The following DYRK1A variants were observed in gnomAD, a reference collection of about 807,000 sequenced individuals.
DYRK1A encodes dual specificity tyrosine-phosphorylation-regulated kinase 1A.
Under a neutral mutation model 79.7 loss-of-function variants are expected in DYRK1A, and 9 were observed. The observed-to-expected ratio is 0.11, with a 90% CI of 0.07 to 0.20. DYRK1A has a LOEUF of 0.20. DYRK1A is among the 10% of genes least tolerant of loss of function. The pLI, the probability that DYRK1A is intolerant of heterozygous loss-of-function variation, is 1.00. For synonymous variants in DYRK1A, 349 were observed against 329.7 expected, an observed-to-expected ratio of 1.06 and a Z score of -0.63; for missense variants, 622 against 956.0, an observed-to-expected ratio of 0.65 and a Z score of 4.61.
intron 2 of DYRK1A, among the ~76,000 whole-genome samples, chr21:37,470,929 T>TTG (rs750646366): frequency 6.6e-6 from 1 of 152,224 alleles, no homozygotes; most frequent in Non-Finnish European, 1.5e-5. Context: ...TTCACCACAG[T>TTG]TGTACTATCC....
intron 2 of DYRK1A, among the ~76,000 whole-genome samples, chr21:37,429,757 AAT>A (rs2050725951): frequency 6.6e-6 from 1 of 152,234 alleles, no homozygotes; most frequent in Non-Finnish European, 1.5e-5. Context: ...TTTAAGCATT[AAT>A]CAGTCAATTT....
chr21:37,431,819 C>G (rs2050784186), intron 2 of DYRK1A, among the ~76,000 whole-genome samples: 1 of 152,146 alleles, frequency 6.6e-6, no homozygotes, highest in Admixed American at 6.5e-5. Flanking sequence ...ATGACACTTA[C>G]TGTACTATTT....
At chr21:37,474,744 A>G (rs2052340951) in intron 3 of DYRK1A, among the ~76,000 whole-genome samples, 1 of 152,234 alleles carries the variant, frequency 6.6e-6, no homozygotes, top group South Asian at 2.1e-4. Context: ...TCATCCTATC[A>G]GATGTCTTTT....
chr21:37,484,751 C>T (rs1280044001), intron 5 of DYRK1A, among the ~76,000 whole-genome samples: 2 of 152,140 alleles, frequency 1.3e-5, no homozygotes, highest in East Asian at 3.8e-4. Context: ...GGTTTTTCTT[C>T]TCCCCTTCAC....
intron 2 of DYRK1A, among the ~76,000 whole-genome samples, chr21:37,438,546 A>G (rs1228215465): frequency 6.6e-6 from 1 of 152,016 alleles, no homozygotes; most frequent in African/African-American, 2.4e-5. Flanking sequence ...TTGCAAATGG[A>G]TATTCATTTA....
rs151303959 is a variant in DYRK1A at position 37,512,359 on chromosome 21, A to G, written c.2093A>G (p.Asn698Ser). ...AMDVNLTVYS[N>S]PRQETGIAGH... Reference sequence around the variant, plus strand: ...GACGTTAATTTGACCGTCTACTCCAATCCCCGCCAAGAGACTGGCATAGCT... The same window carrying G: ...GACGTTAATTTGACCGTCTACTCCAGTCCCCGCCAAGAGACTGGCATAGCT... The change falls in exon 12 of 12, where the codon AAT becomes AGT. Residue 698 changes from asparagine to serine, a missense_variant. Physicochemically the swap from Asn to Ser is conservative, Grantham distance 46. Around this residue, in one of 5 missense-constraint regions of DYRK1A, gnomAD observed 292 missense variants for 316.7 expected, o/e 0.92. Coordinates refer to ENST00000647188, the MANE Select transcript of DYRK1A (RefSeq NM_001347721.2). 30 of 1,614,226 alleles carry G rather than the reference A, an allele frequency of 1.9e-5. No individual in the cohort carries two copies. The highest frequency in any genetic ancestry group is 1.1e-4 in the African/African-American group (8 of 75,058).
chr21:37,452,756 C>T (rs1392196298), intron 2 of DYRK1A, among the ~76,000 whole-genome samples: 1 of 114,586 alleles, frequency 8.7e-6, no homozygotes, highest in Non-Finnish European at 1.7e-5. Context: ...CTCACACTCC[C>T]GTTTTTTTTT....
chr21:37,450,635 C>G (rs1470662637), intron 2 of DYRK1A, among the ~76,000 whole-genome samples: 1 of 152,210 alleles, frequency 6.6e-6, no homozygotes, highest in African/African-American at 2.4e-5. Flanking sequence ...CTCAGATACT[C>G]TAGCCTTGGG....
At chr21:37,368,968 TC>T (rs201617122) in intron 1 of DYRK1A, among the ~76,000 whole-genome samples, 3 of 151,432 alleles carry the variant, frequency 2.0e-5, no homozygotes, top group Admixed American at 1.3e-4. Flanking sequence ...TTCAGGCCTT[TC>T]CCCCCCCAAG....
intron 9 of DYRK1A, among the ~76,000 whole-genome samples, chr21:37,497,624 C>G (rs1281648143): frequency 1.3e-5 from 2 of 152,150 alleles, no homozygotes; most frequent in Non-Finnish European, 2.9e-5. Context: ...TTCTCCATTT[C>G]AGATTGATTT....
At chr21:37,454,298 G>A (rs1003540378) in intron 2 of DYRK1A, among the ~76,000 whole-genome samples, 1 of 151,792 alleles carries the variant, frequency 6.6e-6, no homozygotes, top group Admixed American at 6.6e-5. Flanking sequence ...TCTCTGTGTT[G>A]CTCAGGTTGG....
At chr21:37,486,672 A>G in intron 6 of DYRK1A, 58 bp downstream of exon 6, 4 of 1,362,168 alleles carry the variant, frequency 2.9e-6, no homozygotes, top group African/African-American at 1.5e-5. Context: ...CTTTGAGTTA[A>G]TGGTTCTTTT....
At chr21:37,449,571 C>T (rs1287761266) in intron 2 of DYRK1A, among the ~76,000 whole-genome samples, 2 of 152,262 alleles carry the variant, frequency 1.3e-5, no homozygotes, top group East Asian at 3.9e-4. Flanking sequence ...GCCATGCTAA[C>T]TGCAAGGGAG....
chr21:37,434,801 T>G (rs1360080461), intron 2 of DYRK1A, among the ~76,000 whole-genome samples: 1 of 152,232 alleles, frequency 6.6e-6, no homozygotes, highest in African/African-American at 2.4e-5. Flanking sequence ...GAGCCACGCT[T>G]TCTGTTATGC....
chr21:37,432,686 A>T (rs553781132), intron 2 of DYRK1A, among the ~76,000 whole-genome samples: 10 of 152,342 alleles, frequency 6.6e-5, no homozygotes, highest in Admixed American at 5.2e-4. Flanking sequence ...ATTACTGGGC[A>T]TAATAATGGC....
rs531087880 is a variant in DYRK1A, at chr21:37,473,660, G to GTA, written c.207+781_207+782insAT. Among the ~76,000 whole-genome samples the GTA allele has an allele frequency of 6.1e-4, 93 of 152,248 alleles. 2 individuals carry two copies. The South Asian group carries it at 0.019, about 31-fold the overall frequency. On this transcript the variant is annotated intron_variant, in intron 3 of 11. Transcript: ENST00000647188. ...TTGTTTAGGTCTTTTAATATATTGT[G>GTA]TGAGGATAAAAGAGTTGGGAGATTT...
intron 2 of DYRK1A, among the ~76,000 whole-genome samples, chr21:37,452,654 G>GGGGAA (rs1444856045): frequency 1.3e-5 from 2 of 152,106 alleles, no homozygotes; most frequent in Non-Finnish European, 2.9e-5. Context: ...GAGATGGGGA[G>GGGGAA]GGGAAGGGAA....
At chr21:37,441,776 A>G (rs1221163742) in intron 2 of DYRK1A, among the ~76,000 whole-genome samples, 1 of 152,128 alleles carries the variant, frequency 6.6e-6, no homozygotes, top group Non-Finnish European at 1.5e-5. Flanking sequence ...GATTTAAATA[A>G]GAATTCCTGT....
intron 2 of DYRK1A, among the ~76,000 whole-genome samples, chr21:37,462,018 C>T (rs954026548): frequency 2.0e-5 from 3 of 151,820 alleles, no homozygotes; most frequent in Admixed American, 2.0e-4. Context: ...TTAGAATTTC[C>T]ATTTAGTTCC....
Sources: gnomAD v4.1 joint callset for allele counts (sites outside exome capture counted in the v4.1 genomes callset) on GRCh38, gnomAD v4.1.1 for gene constraint, gnomAD v4.1.1 regional missense constraint, MANE v1.5 for transcripts, NCBI Gene and HGNC (gene_info 2026-07-23, HGNC 2026-07-21) for gene names.